Variants in PDE1C observed in about 807,000 individuals in gnomAD.
PDE1C encodes the protein dual specificity calcium/calmodulin-dependent 3',5'-cyclic nucleotide phosphodiesterase 1C.
In PDE1C, 62 loss-of-function variants were observed where a neutral mutation model predicts 93.1. That is an observed-to-expected ratio of 0.67 (90% CI 0.54 to 0.82). The LOEUF (loss-of-function observed/expected upper bound fraction) is 0.82, where lower values mean the gene tolerates loss of function less well. Ranked by LOEUF, PDE1C falls within the 40% of genes least tolerant of loss-of-function variation. The pLI, the probability that PDE1C is intolerant of heterozygous loss-of-function variation, is 0.00. For synonymous variants in PDE1C, 325 were observed against 310.1 expected, an observed-to-expected ratio of 1.05 and a Z score of -0.50; for missense variants, 742 against 884.6, an observed-to-expected ratio of 0.84 and a Z score of 2.04.
the PDE1C span, among the ~76,000 whole-genome samples, chr7:31,721,737 G>A: frequency 6.6e-6 from 1 of 152,322 alleles, no homozygotes; most frequent in South Asian, 2.1e-4. Flanking sequence ...TTCAACCCAT[G>A]TACAACCACC....
intron 2 of PDE1C, among the ~76,000 whole-genome samples, chr7:31,932,032 G>A (rs577108459): frequency 3.9e-5 from 6 of 152,180 alleles, no homozygotes; most frequent in Middle Eastern, 3.4e-3. Context: ...AACTGAAACT[G>A]GACCCCTTCA....
chr7:32,258,292 AC>A (rs1809951584), intron 1 of PDE1C, among the ~76,000 whole-genome samples: 2 of 152,338 alleles, frequency 1.3e-5, no homozygotes, highest in Middle Eastern at 3.4e-3. Flanking sequence ...CTCGGAATTA[AC>A]TTATATCCTA....
intron 1 of PDE1C, among the ~76,000 whole-genome samples, chr7:32,250,325 C>T (rs563051116): frequency 2.4e-4 from 36 of 152,172 alleles, no homozygotes; most frequent in Non-Finnish European, 4.0e-4. Flanking sequence ...CAGCAGAGCT[C>T]GAGCCAGAGG....
chr7:32,312,884 A>C (rs375184878), intron 1 of PDE1C, among the ~76,000 whole-genome samples: 1 of 152,364 alleles, frequency 6.6e-6, no homozygotes, highest in South Asian at 2.1e-4. Context: ...CAATGGCAAC[A>C]AAAGCCAAAA....
chr7:32,394,564 T>G (rs1303307312), intron 1 of PDE1C, among the ~76,000 whole-genome samples: 1 of 152,178 alleles, frequency 6.6e-6, no homozygotes, highest in Non-Finnish European at 1.5e-5. Flanking sequence ...TCTCAGCACT[T>G]TGGGAGGCTG....
intron 2 of PDE1C, among the ~76,000 whole-genome samples, chr7:32,002,318 C>T (rs1002942956): frequency 4.6e-5 from 7 of 152,138 alleles, no homozygotes; most frequent in Admixed American, 6.5e-5. Context: ...AGGGAGCACA[C>T]GCAGGAGAGT....
At chr7:31,724,382 A>G in the PDE1C span, among the ~76,000 whole-genome samples, 3 of 152,192 alleles carry the variant, frequency 2.0e-5, no homozygotes, top group Non-Finnish European at 4.4e-5. Context: ...GAAAGATGCT[A>G]TGGCTCTCCA....
At chr7:32,136,547 A>G (rs777866519) in intron 3 of PDE1C, among the ~76,000 whole-genome samples, 5 of 152,146 alleles carry the variant, frequency 3.3e-5, no homozygotes, top group African/African-American at 1.2e-4. Context: ...AGCACATATT[A>G]AAATACCCAA....
At chr7:31,773,102 G>C (rs754156533) in intron 17 of PDE1C, among the ~76,000 whole-genome samples, 2 of 152,254 alleles carry the variant, frequency 1.3e-5, no homozygotes, top group Non-Finnish European at 2.9e-5. Flanking sequence ...TGCAGCTTCT[G>C]TCCTGTAGTG....
At chr7:31,632,868 T>C in the PDE1C span, among the ~76,000 whole-genome samples, 1 of 151,350 alleles carries the variant, frequency 6.6e-6, no homozygotes, top group African/African-American at 2.4e-5. Flanking sequence ...ATTTTTATTT[T>C]TATTTATTTA....
At chr7:32,055,991 A>G (rs1486706578) in intron 1 of PDE1C, among the ~76,000 whole-genome samples, 2 of 152,194 alleles carry the variant, frequency 1.3e-5, no homozygotes, top group Admixed American at 1.3e-4. Flanking sequence ...AAGTGTTGCG[A>G]TTACAGGCAT....
intron 1 of PDE1C, among the ~76,000 whole-genome samples, chr7:32,339,606 G>A (rs215670): frequency 0.53 from 80,826 of 152,024 alleles, 24,830 homozygotes; most frequent in Admixed American, 0.69. Context: ...GGAACTCTCC[G>A]TGACAAGACA....
chr7:31,701,476 A>C, the PDE1C span, among the ~76,000 whole-genome samples: 1 of 152,262 alleles, frequency 6.6e-6, no homozygotes, highest in Non-Finnish European at 1.5e-5. Context: ...ACTGGCGAAG[A>C]TGCTGTGAAC....
intron 2 of PDE1C, among the ~76,000 whole-genome samples, chr7:32,000,784 T>G (rs1309774907): frequency 2.0e-5 from 3 of 152,188 alleles, no homozygotes; most frequent in Non-Finnish European, 4.4e-5. Context: ...CCTTTTCTGA[T>G]GCCATTTAGT....
chr7:31,656,146 C>A, the PDE1C span: 1 of 413,600 alleles, frequency 2.4e-6, no homozygotes, highest in Non-Finnish European at 3.3e-6. Context: ...TTTGTTAAAA[C>A]ACTGAAAACC....
At chr7:31,635,245 A>T in the PDE1C span, among the ~76,000 whole-genome samples, 2 of 152,218 alleles carry the variant, frequency 1.3e-5, no homozygotes, top group African/African-American at 4.8e-5. Flanking sequence ...TCCTACATCT[A>T]GATGTGCATA....
chr7:31,875,032 C>T (rs537944633), intron 5 of PDE1C, among the ~76,000 whole-genome samples: 1 of 152,320 alleles, frequency 6.6e-6, no homozygotes, highest in Admixed American at 6.5e-5. Context: ...GGCCTCATCC[C>T]TTTAATATCC....
At chr7:31,998,694 A>C (rs2128553849) in intron 2 of PDE1C, among the ~76,000 whole-genome samples, 1 of 152,322 alleles carries the variant, frequency 6.6e-6, no homozygotes, top group East Asian at 1.9e-4. Flanking sequence ...CATGATTTGA[A>C]CATAACTAAC....
At position 31,919,988 on chromosome 7, in the gene PDE1C, C is replaced by T. The variant is rs577341132; in HGVS notation, c.129-39128G>A. Reference sequence around the variant, plus strand: ...CTTAAGGAAGATTCCTGTGAAGCCCCTAAATCTGCACTCATGCTCATCCTC... The same window carrying T: ...CTTAAGGAAGATTCCTGTGAAGCCCTTAAATCTGCACTCATGCTCATCCTC... On this transcript the variant is annotated intron_variant, in intron 2 of 17. Coordinates refer to ENST00000396191, the MANE Select transcript of PDE1C (RefSeq NM_001191057.4). Among the ~76,000 whole-genome samples, 194 of 152,296 alleles carry T rather than the reference C, an allele frequency of 1.3e-3. 1 individual carries two copies. The highest frequency in any genetic ancestry group is 4.6e-3 in the African/African-American group (190 of 41,554).
Sources: allele counts gnomAD v4.1 joint callset (sites outside exome capture counted in the v4.1 genomes callset), GRCh38; gene constraint gnomAD v4.1.1; transcripts MANE v1.5; gene names NCBI Gene and HGNC (gene_info 2026-07-23, HGNC 2026-07-21).